CHKB: variants seen among roughly 807,000 people sequenced by gnomAD.
CHKB encodes choline/ethanolamine kinase.
In CHKB, 45 loss-of-function variants were observed where a neutral mutation model predicts 57.3. The observed-to-expected ratio is 0.79, with a 90% confidence interval of 0.62 to 1.01. CHKB has a LOEUF of 1.01. Among genes scored for constraint, CHKB ranks in the 50% least tolerant of loss-of-function variants. The probability of loss-of-function intolerance (pLI) is 0.00; values close to 1 mark genes in which losing one functional copy is unlikely to be tolerated. For synonymous variants in CHKB, 224 were observed against 201.8 expected (o/e 1.11, Z -0.93); for missense variants, 517 against 502.8 (o/e 1.03, Z -0.27).
intron 8 of CHKB, 31 bp downstream of exon 8, chr22:50,579,943 G>A (rs1370652047): frequency 6.2e-7 from 1 of 1,606,926 alleles, no homozygotes; most frequent in East Asian, 2.2e-5. Flanking sequence ...TCACAGGATG[G>A]GTCCTGCTCC....
chr22:50,582,451 A>AGGCGCG, intron 1 of CHKB, 94 bp from the exon 2 acceptor site: 1 of 1,451,912 alleles, frequency 6.9e-7, no homozygotes. Context: ...GCCCCGCCCC[A>AGGCGCG]GGCGCGGGCG....
At chr22:50,580,854 A>G (rs2146655158) in intron 4 of CHKB, 194 bp from the exon 5 acceptor site, 2 of 580,640 alleles carry the variant, frequency 3.4e-6, no homozygotes, top group Non-Finnish European at 6.3e-6. Context: ...ATCTTGGCTC[A>G]CTGCAACCTC....
At chr22:50,582,407 G>GCGGCCC (rs954051094) in intron 1 of CHKB, 50 bp from the exon 2 acceptor site, 14 of 1,501,270 alleles carry the variant, frequency 9.3e-6, no homozygotes, top group Middle Eastern at 2.1e-4. Flanking sequence ...CCTACCTGCC[G>GCGGCCC]CGGCCCCGGC....
In CHKB at chr22:50,581,702, G is replaced by A. The variant is rs113158900; in HGVS notation, c.447+47C>T. On this transcript the variant is annotated intron_variant, in intron 3 of 10. Transcript: ENST00000406938. ...GACATTGGGCACTGGGGTAGGGTTAGGGGGTGGAGGTGCCTTGGGGAGGAG... is the reference window on the plus strand; with the variant it reads ...GACATTGGGCACTGGGGTAGGGTTAAGGGGTGGAGGTGCCTTGGGGAGGAG... 2.4e-4 allele frequency: 388 copies of A among 1,586,948 alleles called. 2 individuals are homozygous for A. The highest frequency in any genetic ancestry group is 3.7e-5 in the Non-Finnish European group (43 of 1,155,560).
chr22:50,581,909 G>A (rs750601369), intron 2 of CHKB, 47 bp from the exon 3 acceptor site: 3 of 1,537,014 alleles, frequency 2.0e-6, no homozygotes, highest in South Asian at 1.1e-5. Flanking sequence ...GTGGCACAGG[G>A]ACACACATGA....
chr22:50,582,267 C>T lies in CHKB; in HGVS notation c.315G>A (p.Leu105=), dbSNP rs369633837. The T allele has an allele frequency of 1.4e-4, 230 of 1,592,688 alleles. No individual in the cohort carries two copies. Among genetic ancestry groups the T allele is most frequent in the Non-Finnish European group, 1.8e-4 (210 of 1,171,866 alleles). The change falls in exon 2 of 11, where the codon CTG becomes CTA. Residue 105 remains leucine, a synonymous_variant. Coordinates refer to ENST00000406938, the MANE Select transcript of CHKB (RefSeq NM_005198.5). ...GEEPREVLLR[L]YGAILQGVDS... ...CCCTCACCTGCAAGATGGCTCCGTA[C>T]AGCCGCAGAAGCACCTCCCGGGGCT...
chr22:50,580,207 G>A lies in CHKB; in HGVS notation c.801C>T (p.Tyr267=). The part of the protein sequence containing the change: ...ADSLMLVDFE[Y]SSYNYRGFDI... ...AGCCTCACCTATAGTTATAACTGCT[G>A]TACTCGAAGTCCACCAGCATGAGGC... The change falls in exon 7 of 11, where the codon TAC becomes TAT. Residue 267 remains tyrosine, a synonymous_variant. Coordinates refer to ENST00000406938, the MANE Select transcript of CHKB (RefSeq NM_005198.5). The A allele has an allele frequency of 1.2e-6, 2 of 1,613,892 alleles. No individual in the cohort carries two copies. The highest frequency in any genetic ancestry group is 1.3e-5 in the African/African-American group (1 of 75,054).
At chr22:50,580,752 C>T (rs1247139119) in intron 4 of CHKB, 92 bp from the exon 5 acceptor site, 3 of 1,065,674 alleles carry the variant, frequency 2.8e-6, no homozygotes, top group East Asian at 2.5e-5. Context: ...CACCCCTGCT[C>T]CTATCACTGT....
In CHKB at chr22:50,579,209, T is replaced by G. The variant is rs1389494045; in HGVS notation, c.1160A>C (p.Gln387Pro). ...RFQFYFQQKG[Q>P]LTSVHSSS is the part of the protein sequence containing the mutation. ...GGATGAGGAGTGGACACTGGTCAGCTGCCCCTTCTGCTGGAAGTAGAACTG... is the reference window on the plus strand; with the variant it reads ...GGATGAGGAGTGGACACTGGTCAGCGGCCCCTTCTGCTGGAAGTAGAACTG... The change falls in exon 11 of 11, where the codon CAG becomes CCG. Residue 387 changes from glutamine (Q) to proline (P), a missense_variant. By Grantham distance (76) the Gln-to-Pro change is moderately conservative. Transcript: ENST00000406938. 2.5e-6 allele frequency: 4 copies of G among 1,613,904 alleles called. No individual in the cohort carries two copies. Among genetic ancestry groups the G allele is most frequent in the Non-Finnish European group, 2.5e-6 (3 of 1,179,890 alleles).
chr22:50,579,715 C>T lies in CHKB; in HGVS notation c.1031+12G>A, dbSNP rs777277938. The T allele has an allele frequency of 4.3e-5, 70 of 1,610,880 alleles. No individual in the cohort carries two copies. Among genetic ancestry groups the T allele is most frequent in the Non-Finnish European group, 5.6e-5 (66 of 1,177,198 alleles). On this transcript the variant is annotated intron_variant, in intron 9 of 10. Transcript: ENST00000406938. ...TGCTCTGCCCTACCCCACCCTGCCC[C>T]TCCTTCCTCACCGACTGACTTCTAC...
chr22:50,579,312 C>T, intron 10 of CHKB, 57 bp from the exon 11 acceptor site: 4 of 1,595,752 alleles, frequency 2.5e-6, no homozygotes, highest in Non-Finnish European at 3.4e-6. Context: ...CAGCATTCTA[C>T]ATCCACCTCA....
intron 10 of CHKB, 40 bp from the exon 11 acceptor site, chr22:50,579,295 G>A (rs369572246): frequency 6.3e-5 from 101 of 1,604,694 alleles, no homozygotes; most frequent in African/African-American, 6.3e-4. Flanking sequence ...GTGAGAAGAC[G>A]TGGGACCAGC....
In CHKB at chr22:50,582,331, CG is replaced by C. The variant is rs1353081775; in HGVS notation, c.250del (p.Arg84AlafsTer35). The C allele has an allele frequency of 6.3e-7, 1 of 1,574,878 alleles. No individual in the cohort carries two copies. The highest frequency in any genetic ancestry group is 1.3e-5 in the African/African-American group (1 of 74,314). ...VSGGLSNLLF[R>X]CSLPDHLPSV... Reference sequence around the variant, plus strand: ...GGGCAGGTGGTCCGGGAGCGAGCAGCGGAAGAGCAGGTTGCTGAGGCCTCCG... The same window carrying C: ...GGGCAGGTGGTCCGGGAGCGAGCAGCGAAGAGCAGGTTGCTGAGGCCTCCG... On this transcript the variant is annotated frameshift_variant, in exon 2 of 11. Transcript: ENST00000406938. LOFTEE classifies it high-confidence loss of function.
rs188223105 is a variant in CHKB at position 50,579,868 on chromosome 22, T to C, written c.928-38A>G. ...GCCAAGAGTCAGGAATTGGGGAGACTGTGGAGTATTTCCCAGGTAACATCC... is the reference window on the plus strand; with the variant it reads ...GCCAAGAGTCAGGAATTGGGGAGACCGTGGAGTATTTCCCAGGTAACATCC... On this transcript the variant is annotated intron_variant, in intron 8 of 10. Transcript: ENST00000406938. 1.4e-3 allele frequency: 2,261 copies of C among 1,599,378 alleles called. 28 individuals carry two copies. The highest frequency in any genetic ancestry group is 1.4e-4 in the Non-Finnish European group (162 of 1,167,112).
In CHKB at chr22:50,580,211, T is replaced by G; in HGVS notation, c.797A>C (p.Glu266Ala). ...TCACCTATAGTTATAACTGCTGTACTCGAAGTCCACCAGCATGAGGCTGTC... is the reference window on the plus strand; with the variant it reads ...TCACCTATAGTTATAACTGCTGTACGCGAAGTCCACCAGCATGAGGCTGTC... ...NADSLMLVDF[E>A]YSSYNYRGFD... Residue 266 changes from glutamate to alanine, a missense_variant, in exon 7 of 11, where the codon GAG becomes GCG. By Grantham distance (107) the Glu-to-Ala change is moderately radical. Transcript: ENST00000406938. 1.2e-6 allele frequency: 2 copies of G among 1,613,902 alleles called. No homozygotes were observed. Among genetic ancestry groups the G allele is most frequent in the Non-Finnish European group, 1.7e-6 (2 of 1,179,938 alleles).
rs541563356 is a variant in CHKB at position 50,581,276 on chromosome 22, T to C, written c.581+144A>G. 356 of 1,123,102 alleles carry C rather than the reference T, an allele frequency of 3.2e-4. 2 individuals carry two copies. In the South Asian group the frequency reaches 3.6e-3, roughly 11 times the overall value. 69.6% of individuals were successfully genotyped at this position (1,123,102 alleles called of 1,614,324 possible). A position where few individuals can be genotyped will look rare whatever the true frequency, so the allele number is the denominator to read the frequency against. ...GGCATGAGGCACTGCATGTGGCCTC[T>C]GGCAAGCATTTAAAAGCCTGTTCTG... On this transcript the variant is annotated intron_variant, in intron 4 of 10. Transcript: ENST00000406938.
rs764474062 is a variant in CHKB at position 50,580,045 on chromosome 22, A to G, written c.856T>C (p.Tyr286His). The G allele has an allele frequency of 3.7e-6, 6 of 1,613,980 alleles. No individual in the cohort carries two copies. The Admixed American group carries it at 1.0e-4, about 27-fold the overall frequency. ...DIGNHFCEWV[Y>H]DYTHEEWPFY... The stretch of plus-strand genomic sequence containing the variant: ...GGCCATTCCTCGTGAGTATAATCAT[A>G]AACCCACTCACAAAAATGGTTCCCA... The change falls in exon 8 of 11, where the codon TAT (tyrosine) becomes CAT (histidine). Residue 286 changes from tyrosine to histidine, a missense_variant. By Grantham distance (83) the Tyr-to-His change is moderately conservative. Coordinates refer to ENST00000406938, the MANE Select transcript of CHKB (RefSeq NM_005198.5).
In CHKB at chr22:50,581,478, G is replaced by A; in HGVS notation, c.523C>T (p.His175Tyr). The change falls in exon 4 of 11, where the codon CAT (histidine) becomes TAT (tyrosine). Residue 175 changes from histidine to tyrosine, a missense_variant. Physicochemically the swap from His to Tyr is moderately conservative, Grantham distance 83. Transcript: ENST00000406938. ...AAIATKMAQF[H>Y]GMEMPFTKEP... ...TTGGTGAAAGGCATCTCCATGCCAT[G>A]AAATTGCGCCATCTTCGTGGCAATG... 6.2e-7 allele frequency: 1 copy of A among 1,613,956 alleles called. No homozygotes were observed. The highest frequency in any genetic ancestry group is 8.5e-7 in the Non-Finnish European group (1 of 1,180,032).
chr22:50,581,644 A>G (rs927411775), intron 3 of CHKB, 91 bp from the exon 4 acceptor site: 55 of 1,595,670 alleles, frequency 3.4e-5, no homozygotes, highest in Non-Finnish European at 4.3e-5. Flanking sequence ...TTTTGGGGGA[A>G]ATTCCCTACT....
Sources: allele counts gnomAD v4.1 joint callset, GRCh38; gene constraint gnomAD v4.1.1; transcripts MANE v1.5; gene names NCBI Gene and HGNC (gene_info 2026-07-23, HGNC 2026-07-21).